PTPN11: variants seen among roughly 807,000 people sequenced by gnomAD.
PTPN11 encodes protein tyrosine phosphatase non-receptor type 11, also known as tyrosine-protein phosphatase non-receptor type 11.
In PTPN11, 6 loss-of-function variants were observed where a neutral mutation model predicts 78.8. That is an observed-to-expected ratio of 0.08 (90% CI 0.04 to 0.15). PTPN11 has a LOEUF of 0.15. PTPN11 is among the 10% of genes least tolerant of loss of function. The pLI is 1.00. For synonymous variants in PTPN11, 221 were observed against 263.5 expected, an observed-to-expected ratio of 0.84 and a Z score of 1.56; for missense variants, 386 against 744.8, an observed-to-expected ratio of 0.52 and a Z score of 5.61.
chr12:112,449,059 G>T (rs1323211992), intron 2 of PTPN11, among the ~76,000 whole-genome samples: 1 of 151,390 alleles, frequency 6.6e-6, no homozygotes, highest in Admixed American at 6.6e-5. Context: ...GCTAATTTTT[G>T]TATTTTTAGT....
At chr12:112,449,780 G>A (rs182224722) in intron 2 of PTPN11, among the ~76,000 whole-genome samples, 1 of 151,688 alleles carries the variant, frequency 6.6e-6, no homozygotes, top group Non-Finnish European at 1.5e-5. Context: ...AGATATACAA[G>A]GTAGGCCGGG....
chr12:112,426,970 C>T (rs556236680), intron 1 of PTPN11, among the ~76,000 whole-genome samples: 3 of 152,158 alleles, frequency 2.0e-5, no homozygotes, highest in East Asian at 1.9e-4. Flanking sequence ...AATGGCCGGG[C>T]GTGGTGGCTC....
At chr12:112,466,214 C>T (rs1254124780) in intron 6 of PTPN11, among the ~76,000 whole-genome samples, 1 of 152,146 alleles carries the variant, frequency 6.6e-6, no homozygotes, top group Non-Finnish European at 1.5e-5. Context: ...ATTTAGGTCT[C>T]TTTGATAAGG....
In PTPN11 at chr12:112,419,117, A is replaced by T. The variant is rs768238710; in HGVS notation, c.6A>T (p.Thr2=). M[T]SRRWFHPNIT... The stretch of plus-strand genomic sequence containing the variant: ...AGCCGGAGGGCGGGAGGAACATGAC[A>T]TCGCGGAGGTGAGGAGCCCCGAGGG... The change falls in exon 1 of 16, where the codon ACA becomes ACT. Residue 2 remains threonine, a synonymous_variant. Transcript: ENST00000351677. 2 of 1,526,460 alleles carry T rather than the reference A, an allele frequency of 1.3e-6. No individual in the cohort carries two copies. The highest frequency in any genetic ancestry group is 2.0e-5 in the Admixed American group (1 of 49,776). The allele number at this position is 1,526,460 out of a possible 1,614,324, so 94.6% of individuals were successfully genotyped here. A position where few individuals can be genotyped will look rare whatever the true frequency, so the allele number is the denominator to read the frequency against.
intron 11 of PTPN11, chr12:112,486,854 A>G: frequency 7.0e-7 from 1 of 1,429,920 alleles, no homozygotes; most frequent in Non-Finnish European, 9.1e-7. Flanking sequence ...GCTCAGTTAA[A>G]ACAGCAAAGA....
chr12:112,450,891 G>C (rs868729095), intron 3 of PTPN11, among the ~76,000 whole-genome samples: 1 of 152,166 alleles, frequency 6.6e-6, no homozygotes, highest in African/African-American at 2.4e-5. Context: ...CTCTCGACCA[G>C]TTATTCAGCA....
chr12:112,419,231 C>T (rs2037477830), intron 1 of PTPN11, 106 bp downstream of exon 1: 2 of 1,233,482 alleles, frequency 1.6e-6, no homozygotes, highest in Admixed American at 4.2e-5. Context: ...GGCTCCCGCC[C>T]CGGGTCGGGG....
intron 6 of PTPN11, among the ~76,000 whole-genome samples, chr12:112,467,410 C>T (rs1413163937): frequency 6.6e-6 from 1 of 152,128 alleles, no homozygotes; most frequent in African/African-American, 2.4e-5. Context: ...CAGGAAGCTT[C>T]CGGTCATAGT....
chr12:112,446,465 T>C, intron 2 of PTPN11, 67 bp downstream of exon 2: 1 of 1,607,672 alleles, frequency 6.2e-7, no homozygotes, highest in Middle Eastern at 1.7e-4. Context: ...AAACCATGCT[T>C]GGATAGCTTG....
intron 1 of PTPN11, among the ~76,000 whole-genome samples, chr12:112,432,600 C>T (rs953779759): frequency 2.1e-5 from 3 of 145,084 alleles, no homozygotes; most frequent in Admixed American, 7.3e-5. Flanking sequence ...ACCCGGAAGG[C>T]GGAGGTTGCA....
At chr12:112,484,908 A>T (rs888481768) in intron 10 of PTPN11, among the ~76,000 whole-genome samples, 10 of 151,818 alleles carry the variant, frequency 6.6e-5, no homozygotes, top group African/African-American at 2.2e-4. Context: ...TAAAATAAAA[A>T]AATTAAAAAA....
At chr12:112,462,061 C>T (rs964417963) in intron 6 of PTPN11, among the ~76,000 whole-genome samples, 2 of 152,114 alleles carry the variant, frequency 1.3e-5, no homozygotes, top group African/African-American at 4.8e-5. Context: ...GATGTGTAGT[C>T]AAGTTACTGT....
At chr12:112,461,087 T>C (rs1336783243) in intron 6 of PTPN11, among the ~76,000 whole-genome samples, 1 of 152,150 alleles carries the variant, frequency 6.6e-6, no homozygotes, top group Admixed American at 6.5e-5. Context: ...TGGATACAAG[T>C]TTTCTTTGGC....
Position 112,448,404 on chromosome 12 carries a change from A to T in PTPN11, c.138-1914A>T, listed in dbSNP as rs563638443. On this transcript the variant is annotated intron_variant, in intron 2 of 15. Coordinates refer to ENST00000351677, the MANE Select transcript of PTPN11 (RefSeq NM_002834.5). Reference sequence around the variant, plus strand: ...GCTAATTTGTGTATTTTTAGTAGAGATGGGGTTTCACCATGTTGTCCAGGC... The same window carrying T: ...GCTAATTTGTGTATTTTTAGTAGAGTTGGGGTTTCACCATGTTGTCCAGGC... Among the ~76,000 whole-genome samples, 7 of 151,700 alleles carry T rather than the reference A, an allele frequency of 4.6e-5. No homozygotes were observed. In the South Asian group the frequency reaches 6.3e-4, roughly 14 times the overall value.
At chr12:112,438,137 C>G in intron 1 of PTPN11, among the ~76,000 whole-genome samples, 1 of 151,828 alleles carries the variant, frequency 6.6e-6, no homozygotes, top group Non-Finnish European at 1.5e-5. Context: ...CTACCCTGTT[C>G]TCTACACCAT....
At chr12:112,466,086 G>T (rs1480968629) in intron 6 of PTPN11, among the ~76,000 whole-genome samples, 1 of 152,154 alleles carries the variant, frequency 6.6e-6, no homozygotes. Flanking sequence ...CAGTCAAGTG[G>T]GAGAGACAGG....
intron 9 of PTPN11, among the ~76,000 whole-genome samples, chr12:112,480,463 T>G (rs987788362): frequency 8.6e-5 from 13 of 151,720 alleles, no homozygotes; most frequent in African/African-American, 2.2e-4. Context: ...GCCTCCCGGA[T>G]TCAAGCGATT....
intron 6 of PTPN11, among the ~76,000 whole-genome samples, chr12:112,466,018 A>C (rs2038320924): frequency 6.6e-6 from 1 of 152,148 alleles, no homozygotes; most frequent in Admixed American, 6.6e-5. Flanking sequence ...GTCTGGATCT[A>C]TTCTAGGTTT....
chr12:112,502,393 T>A (rs2038886962), intron 14 of PTPN11, 137 bp downstream of exon 14: 3 of 768,294 alleles, frequency 3.9e-6, no homozygotes, highest in Non-Finnish European at 4.7e-6. Flanking sequence ...CTACTGTTAG[T>A]GTATCTGTGA....
Sources: allele counts gnomAD v4.1 joint callset (sites outside exome capture counted in the v4.1 genomes callset), GRCh38; gene constraint gnomAD v4.1.1; transcripts MANE v1.5; gene names NCBI Gene and HGNC (gene_info 2026-07-23, HGNC 2026-07-21).